The following RHOBTB3 variants were observed in gnomAD, a reference collection of about 807,000 sequenced individuals.
RHOBTB3 encodes rho-related BTB domain-containing protein 3.
In RHOBTB3, 47 loss-of-function variants were observed where a neutral mutation model predicts 67.2. The observed-to-expected ratio is 0.70, with a 90% confidence interval of 0.55 to 0.89. The LOEUF is 0.89. Among genes scored for constraint, RHOBTB3 ranks in the 40% least tolerant of loss-of-function variants. RHOBTB3 has a pLI of 0.00. For missense variants in RHOBTB3, 631 were observed against 750.0 expected (o/e 0.84, Z 1.85); for synonymous variants, 273 against 274.2 (o/e 1.00, Z 0.04).
At chr5:95,792,320 G>C (rs1580434695) in intron 11 of RHOBTB3, among the ~76,000 whole-genome samples, 1 of 150,070 alleles carries the variant, frequency 6.7e-6, no homozygotes, top group Non-Finnish European at 1.5e-5. Flanking sequence ...CCGGAAGGCA[G>C]AGCTTGCAGT....
At chr5:95,757,706 G>A (rs958751477) in intron 6 of RHOBTB3, among the ~76,000 whole-genome samples, 16 of 152,196 alleles carry the variant, frequency 1.1e-4, no homozygotes, top group African/African-American at 3.1e-4. Context: ...GTAGAATGTG[G>A]TGCTAGGTTA....
chr5:95,765,144 G>A lies in RHOBTB3; in HGVS notation c.1161+1524G>A, dbSNP rs570590618. On this transcript the variant is annotated intron_variant, in intron 7 of 11. Transcript: ENST00000379982. ...TCAAATTCAAAACAGAATTGATGAG[G>A]GAATCTGTTTATAGATTCTCTCCCT... is the stretch of plus-strand genomic sequence containing the variant. 3.9e-5 allele frequency among the ~76,000 whole-genome samples: 6 copies of A among 151,908 alleles called. No individual in the cohort carries two copies. In the South Asian group the frequency reaches 1.3e-3, roughly 32 times the overall value.
At chr5:95,767,951 G>T in intron 7 of RHOBTB3, 95 bp from the exon 8 acceptor site, 1 of 1,167,172 alleles carries the variant, frequency 8.6e-7, no homozygotes. Flanking sequence ...TATTTCTTTT[G>T]AGATTTAGCA....
At chr5:95,734,155 A>T (rs1265624949) in intron 2 of RHOBTB3, among the ~76,000 whole-genome samples, 2 of 152,224 alleles carry the variant, frequency 1.3e-5, no homozygotes, top group Non-Finnish European at 2.9e-5. Context: ...ATTAATACTA[A>T]GCAAAAGTAA....
rs2112768290 is a variant in RHOBTB3 at position 95,731,991 on chromosome 5, C to T, written c.135C>T (p.Asn45=). 4 of 1,614,160 alleles carry T rather than the reference C, an allele frequency of 2.5e-6. No individual in the cohort carries two copies. In the East Asian group the frequency reaches 8.9e-5, roughly 36 times the overall value. ...VSGDESSLLL[N]AASTVARPVF... ...GGGACGAGAGCAGCTTGTTGCTGAA[C>T]GCGGCCAGCACGGTCGCGCGTCCGG... Residue 45 remains asparagine, a synonymous_variant, in exon 2 of 12, where the codon AAC becomes AAT. Coordinates refer to ENST00000379982, the MANE Select transcript of RHOBTB3 (RefSeq NM_014899.4).
intron 10 of RHOBTB3, among the ~76,000 whole-genome samples, chr5:95,784,940 G>A (rs562046866): frequency 6.6e-6 from 1 of 152,132 alleles, no homozygotes; most frequent in Non-Finnish European, 1.5e-5. Flanking sequence ...TTTTTTCACA[G>A]GAATATATTT....
intron 2 of RHOBTB3, among the ~76,000 whole-genome samples, chr5:95,736,499 G>A (rs1193586048): frequency 6.6e-6 from 1 of 152,196 alleles, no homozygotes; most frequent in African/African-American, 2.4e-5. Flanking sequence ...TGGGTCAGAG[G>A]AAAACCTTTG....
At chr5:95,733,218 A>T (rs777810745) in intron 2 of RHOBTB3, among the ~76,000 whole-genome samples, 6 of 152,216 alleles carry the variant, frequency 3.9e-5, no homozygotes, top group Non-Finnish European at 8.8e-5. Context: ...CAATTAAGAG[A>T]TACTATTAAA....
chr5:95,762,814 AGGTCAGCTTTT>A (rs1745431965), intron 6 of RHOBTB3, among the ~76,000 whole-genome samples: 1 of 152,206 alleles, frequency 6.6e-6, no homozygotes, highest in African/African-American at 2.4e-5. Context: ...CTTGGGGAAA[AGGTCAGCTTTT>A]GCTGACCATA....
chr5:95,746,173 C>T (rs144695132), intron 3 of RHOBTB3, among the ~76,000 whole-genome samples: 40 of 152,228 alleles, frequency 2.6e-4, no homozygotes, highest in African/African-American at 8.4e-4. Context: ...TGCTTACAAC[C>T]ACGCACAGTG....
At chr5:95,725,851 C>T (rs796110525) in intron 1 of RHOBTB3, among the ~76,000 whole-genome samples, 40 of 150,874 alleles carry the variant, frequency 2.7e-4, no homozygotes, top group African/African-American at 9.3e-4. Flanking sequence ...ACTAATCCAT[C>T]AGTGGTTACA....
intron 6 of RHOBTB3, among the ~76,000 whole-genome samples, chr5:95,760,289 G>A (rs1745361300): frequency 6.6e-6 from 1 of 152,144 alleles, no homozygotes; most frequent in Non-Finnish European, 1.5e-5. Flanking sequence ...CCCTTTCCTG[G>A]TCTTCAGGGA....
At chr5:95,749,684 T>G (rs1464988761) in intron 4 of RHOBTB3, among the ~76,000 whole-genome samples, 1 of 152,202 alleles carries the variant, frequency 6.6e-6, no homozygotes, top group Non-Finnish European at 1.5e-5. Context: ...CTAAAATACC[T>G]GGGAAGCTGG....
intron 10 of RHOBTB3, among the ~76,000 whole-genome samples, chr5:95,788,243 T>A (rs1561457948): frequency 6.6e-6 from 1 of 152,226 alleles, no homozygotes; most frequent in Non-Finnish European, 1.5e-5. Flanking sequence ...TCCTGCTCAG[T>A]TTACTGTACA....
chr5:95,754,829 C>T (rs545435017), intron 5 of RHOBTB3, among the ~76,000 whole-genome samples: 25 of 152,324 alleles, frequency 1.6e-4, no homozygotes, highest in Admixed American at 3.3e-4. Flanking sequence ...TGTTTTCAAA[C>T]GATCGAGTTC....
rs954715150 is a variant in RHOBTB3, at chr5:95,794,800, C to T, written c.*1626C>T. On this transcript the variant is annotated 3_prime_UTR_variant, in exon 12 of 12. Transcript: ENST00000379982. Reference sequence around the variant, plus strand: ...CCGTTAGCCCTTGTATGTATACCAACACTGCCAAAGTAAAACATTAGGTCA... The same window carrying T: ...CCGTTAGCCCTTGTATGTATACCAATACTGCCAAAGTAAAACATTAGGTCA... 7.9e-5 allele frequency: 12 copies of T among 152,124 alleles called. No individual in the cohort carries two copies. Among genetic ancestry groups the T allele is most frequent in the African/African-American group, 2.9e-4 (12 of 41,424 alleles). 9.4% of individuals were successfully genotyped at this position (152,124 alleles called of 1,614,324 possible).
chr5:95,774,247 TA>T (rs1745804850), intron 8 of RHOBTB3, among the ~76,000 whole-genome samples: 1 of 152,078 alleles, frequency 6.6e-6, no homozygotes, highest in African/African-American at 2.4e-5. Context: ...ATGCAAAAAA[TA>T]AAAAATAAAA....
At chr5:95,788,009 G>A (rs1397179532) in intron 10 of RHOBTB3, among the ~76,000 whole-genome samples, 1 of 152,196 alleles carries the variant, frequency 6.6e-6, no homozygotes, top group Admixed American at 6.5e-5. Context: ...TAAATTTTAT[G>A]TTACACATAT....
At chr5:95,736,210 A>G (rs1755452417) in intron 2 of RHOBTB3, among the ~76,000 whole-genome samples, 1 of 152,268 alleles carries the variant, frequency 6.6e-6, no homozygotes, top group South Asian at 2.1e-4. Context: ...CAGAACTAGA[A>G]GAGTTTATCC....
Sources: allele counts gnomAD v4.1 joint callset (sites outside exome capture counted in the v4.1 genomes callset), GRCh38; gene constraint gnomAD v4.1.1; transcripts MANE v1.5; gene names NCBI Gene and HGNC (gene_info 2026-07-23, HGNC 2026-07-21).